KLF7: variants seen among roughly 807,000 people sequenced by gnomAD.
KLF7 encodes the protein Krueppel-like factor 7.
In KLF7, 2 loss-of-function variants were observed where a neutral mutation model predicts 27.3. The ratio of observed to expected loss-of-function variants is 0.07; its 90% confidence interval spans 0.03 to 0.23. The LOEUF (loss-of-function observed/expected upper bound fraction) is 0.23. KLF7 is among the 10% of genes least tolerant of loss of function. KLF7 has a pLI of 1.00. For missense variants in KLF7, 221 were observed against 394.1 expected, an observed-to-expected ratio of 0.56 and a Z score of 3.72; for synonymous variants, 165 against 162.4, an observed-to-expected ratio of 1.02 and a Z score of -0.12.
intron 1 of KLF7, among the ~76,000 whole-genome samples, chr2:207,130,377 T>C (rs1359415373): frequency 2.0e-5 from 3 of 152,208 alleles, no homozygotes. Flanking sequence ...AAAATGAATC[T>C]TAGAGTCCAC....
intron 2 of KLF7, among the ~76,000 whole-genome samples, chr2:207,099,551 G>GAGATATATATATAT (rs150515096): frequency 3.5e-5 from 2 of 57,568 alleles, no homozygotes; most frequent in South Asian, 4.6e-4. Flanking sequence ...CTACATATGC[G>GAGATATATATATAT]ATATATATAT....
At chr2:207,171,212 G>C (rs1380300313), upstream of KLF7, among the ~76,000 whole-genome samples, 1 of 151,764 alleles carries the variant, frequency 6.6e-6, no homozygotes, top group Admixed American at 6.6e-5. Flanking sequence ...AATAGCAAAA[G>C]AACTAGAAGT....
chr2:207,080,550 T>C lies in KLF7; in HGVS notation c.*663A>G, dbSNP rs2076248668. 3.3e-6 allele frequency: 1 copy of C among 303,070 alleles called. No homozygotes were observed. Among genetic ancestry groups the C allele is most frequent in the African/African-American group, 2.1e-5 (1 of 46,642 alleles). 18.8% of individuals were successfully genotyped at this position (303,070 alleles called of 1,614,324 possible). On this transcript the variant is annotated 3_prime_UTR_variant, in exon 4 of 4. Transcript: ENST00000309446. ...TTCCAGTCTGCCGCCGCTAAGGCCG[T>C]TGGGATCGACGCGAAAGATCTCAAT...
intron 1 of KLF7, among the ~76,000 whole-genome samples, chr2:207,132,579 A>G (rs1005457851): frequency 6.6e-6 from 1 of 152,192 alleles, no homozygotes; most frequent in African/African-American, 2.4e-5. Context: ...GCCTGGGGAG[A>G]GGGTGATGTC....
intron 1 of KLF7, among the ~76,000 whole-genome samples, chr2:207,135,105 A>C (rs181108093): frequency 1.6e-4 from 25 of 152,314 alleles, no homozygotes; most frequent in Admixed American, 1.5e-3. Flanking sequence ...GGGGACTCTG[A>C]GTTGGGAAGA....
chr2:207,098,502 A>C (rs2076682621), intron 2 of KLF7, among the ~76,000 whole-genome samples: 1 of 152,180 alleles, frequency 6.6e-6, no homozygotes, highest in South Asian at 2.1e-4. Flanking sequence ...TTGATTATTA[A>C]AAAACGTCAA....
At chr2:207,148,681 G>C (rs912901866) in intron 1 of KLF7, among the ~76,000 whole-genome samples, 1 of 152,138 alleles carries the variant, frequency 6.6e-6, no homozygotes, top group African/African-American at 2.4e-5. Context: ...GACAGGTTCT[G>C]CAACTCTCTT....
Position 207,077,308 on chromosome 2 carries a change from A to G in KLF7, c.*3905T>C, listed in dbSNP as rs2076192028. On this transcript the variant is annotated 3_prime_UTR_variant, in exon 4 of 4. Coordinates refer to ENST00000309446, the MANE Select transcript of KLF7 (RefSeq NM_003709.4). ...TCCCCTTTGATGCAAATAGACATGG[A>G]TAATCTGGAAAGCTTATCCCAAACA... 1 of 152,208 alleles carries G rather than the reference A, an allele frequency of 6.6e-6. No individual in the cohort carries two copies. Among genetic ancestry groups the G allele is most frequent in the African/African-American group, 2.4e-5 (1 of 41,444 alleles). 9.4% of individuals were successfully genotyped at this position (152,208 alleles called of 1,614,324 possible).
rs986577208 is a variant in KLF7, at chr2:207,080,997, T to C, written c.*216A>G. ...GGGCAAGGCATAAAGAATAGACGTA[T>C]ATATTTTAAATATAGTTGAGTGCAT... On this transcript the variant is annotated 3_prime_UTR_variant, in exon 4 of 4. Coordinates refer to ENST00000309446, the MANE Select transcript of KLF7 (RefSeq NM_003709.4). 3.7e-6 allele frequency: 2 copies of C among 538,986 alleles called. No homozygotes were observed. Among genetic ancestry groups the C allele is most frequent in the Non-Finnish European group, 6.6e-6 (2 of 303,350 alleles). The allele number at this position is 538,986 out of a possible 1,614,324, so 33.4% of individuals were successfully genotyped here. A position where few individuals can be genotyped will look rare whatever the true frequency, so the allele number is the denominator to read the frequency against.
chr2:207,164,778 A>G (rs2078652485), intron 1 of KLF7, among the ~76,000 whole-genome samples: 3 of 152,142 alleles, frequency 2.0e-5, no homozygotes, highest in Non-Finnish European at 4.4e-5. Context: ...AAAAAAGAGA[A>G]ACAAGGACAC....
At chr2:207,169,138 A>C (rs553780426), upstream of KLF7, among the ~76,000 whole-genome samples, 210 of 152,304 alleles carry the variant, frequency 1.4e-3, no homozygotes, top group Middle Eastern at 0.01. Context: ...TCTGCCTCCA[A>C]ATCGACTCCA....
In KLF7 at chr2:207,080,955, C is replaced by T; in HGVS notation, c.*258G>A. The T allele has an allele frequency of 2.3e-6, 1 of 437,834 alleles. No homozygotes were observed. The highest frequency in any genetic ancestry group is 3.3e-5 in the East Asian group (1 of 30,130). 27.1% of individuals were successfully genotyped at this position (437,834 alleles called of 1,614,324 possible). The stretch of plus-strand genomic sequence containing the variant: ...GAGTTCACCTGGTTTCCTTCTTCAT[C>T]TTCTTCCATCTGGCTAGGGCAAGGC... On this transcript the variant is annotated 3_prime_UTR_variant, in exon 4 of 4. Transcript: ENST00000309446.
At chr2:207,093,407 G>T (rs1559114981) in intron 2 of KLF7, among the ~76,000 whole-genome samples, 1 of 152,072 alleles carries the variant, frequency 6.6e-6, no homozygotes, top group Non-Finnish European at 1.5e-5. Context: ...TGCCCTGCCT[G>T]CAGGCTCCCA....
At chr2:207,116,715 A>AT (rs1171928024) in intron 2 of KLF7, among the ~76,000 whole-genome samples, 6 of 152,158 alleles carry the variant, frequency 3.9e-5, no homozygotes, top group Admixed American at 3.3e-4. Context: ...TCTCAATGTC[A>AT]TTTTTTCATT....
chr2:207,166,299 C>A (rs1160890287), upstream of KLF7: 4 of 461,710 alleles, frequency 8.7e-6, no homozygotes, highest in East Asian at 6.3e-4. Flanking sequence ...TGGCACGCTG[C>A]GGATCTCCCT....
chr2:207,099,735 A>G (rs1265659772), intron 2 of KLF7, among the ~76,000 whole-genome samples: 2 of 151,820 alleles, frequency 1.3e-5, no homozygotes, highest in African/African-American at 2.4e-5. Flanking sequence ...CCTTGATGAT[A>G]TAAATACAGA....
At chr2:207,163,236 A>G (rs1336443172) in intron 1 of KLF7, among the ~76,000 whole-genome samples, 1 of 152,240 alleles carries the variant, frequency 6.6e-6, no homozygotes, top group Non-Finnish European at 1.5e-5. Flanking sequence ...CCCACAAGCT[A>G]TGCATCAGCA....
At chr2:207,085,822 A>C (rs1209304979) in intron 3 of KLF7, among the ~76,000 whole-genome samples, 1 of 152,226 alleles carries the variant, frequency 6.6e-6, no homozygotes, top group Non-Finnish European at 1.5e-5. Flanking sequence ...CAGTGGAAAC[A>C]TAGTCATCAC....
At chr2:207,098,734 A>G (rs1038866079) in intron 2 of KLF7, among the ~76,000 whole-genome samples, 8 of 151,152 alleles carry the variant, frequency 5.3e-5, no homozygotes, top group Non-Finnish European at 1.0e-4. Context: ...TCAGCCTCCC[A>G]AAGTAGCTGG....
Sources: gnomAD v4.1 joint callset for allele counts (sites outside exome capture counted in the v4.1 genomes callset) on GRCh38, gnomAD v4.1.1 for gene constraint, MANE v1.5 for transcripts, NCBI Gene and HGNC (gene_info 2026-07-23, HGNC 2026-07-21) for gene names.